Variants in IBTK observed in about 807,000 individuals in gnomAD.
IBTK encodes the protein BTK-binding protein.
IBTK carries 83 observed loss-of-function variants against 154.9 expected under a neutral mutation model. The observed-to-expected ratio is 0.54, with a 90% CI of 0.45 to 0.64. IBTK has a LOEUF of 0.64. Ranked by LOEUF, IBTK falls within the 30% of genes least tolerant of loss-of-function variation. The pLI, the probability that IBTK is intolerant of heterozygous loss-of-function variation, is 0.00. For missense variants in IBTK, 1,332 were observed against 1,584.6 expected, an observed-to-expected ratio of 0.84 and a Z score of 2.71; for synonymous variants, 515 against 536.1, an observed-to-expected ratio of 0.96 and a Z score of 0.54.
At chr6:82,227,051 G>A (rs1441274388) in intron 5 of IBTK, 141 bp downstream of exon 5, 3 of 529,118 alleles carry the variant, frequency 5.7e-6, no homozygotes, top group Non-Finnish European at 1.0e-5. Flanking sequence ...GATATATCAG[G>A]AAACAGATTT....
chr6:82,227,499 T>C (rs1364559255), intron 4 of IBTK, among the ~76,000 whole-genome samples, 197 bp from the exon 5 acceptor site: 3 of 152,072 alleles, frequency 2.0e-5, no homozygotes, highest in Non-Finnish European at 4.4e-5. Context: ...AAATTATGTC[T>C]AAAAACATTG....
intron 9 of IBTK, among the ~76,000 whole-genome samples, chr6:82,219,305 AATC>A (rs2127818163): frequency 6.6e-6 from 1 of 152,258 alleles, no homozygotes; most frequent in South Asian, 2.1e-4. Context: ...CTACTATTAA[AATC>A]ATCTTCATTC....
chr6:82,222,169 C>CAAA (rs57962676), intron 8 of IBTK, among the ~76,000 whole-genome samples: 4 of 98,474 alleles, frequency 4.1e-5, no homozygotes, highest in Non-Finnish European at 4.4e-5. Flanking sequence ...GACAATGTCT[C>CAAA]AAAAAAAAAA....
chr6:82,231,616 G>T, intron 4 of IBTK, 102 bp downstream of exon 4: 1 of 777,886 alleles, frequency 1.3e-6, no homozygotes, highest in Non-Finnish European at 2.0e-6. Flanking sequence ...AAATGTTACT[G>T]TACCTGAAAC....
Position 82,214,501 on chromosome 6 carries a change from T to A in IBTK, c.1930A>T (p.Thr644Ser). The A allele has an allele frequency of 6.2e-7, 1 of 1,614,058 alleles. No homozygotes were observed. The highest frequency in any genetic ancestry group is 8.5e-7 in the Non-Finnish European group (1 of 1,179,994). Residue 644 changes from threonine (T) to serine (S), a missense_variant, in exon 12 of 29, where the codon ACT (threonine) becomes TCT (serine). Physicochemically the swap from Thr to Ser is moderately conservative, Grantham distance 58. Coordinates refer to ENST00000306270, the MANE Select transcript of IBTK (RefSeq NM_015525.4). ...FIYTDTCDFL[T>S]HGFKPRIHLN... ...TGTATTCTTGGTTTGAAGCCATGAG[T>A]TAAAAAGTCACAAGTATCTGTGTAT...
intron 10 of IBTK, among the ~76,000 whole-genome samples, chr6:82,216,863 G>A (rs1265094605): frequency 2.0e-5 from 3 of 152,066 alleles, no homozygotes; most frequent in African/African-American, 7.2e-5. Context: ...TAAAATCAAG[G>A]CTATGAAGGT....
intron 21 of IBTK, among the ~76,000 whole-genome samples, chr6:82,197,359 C>T (rs1769031943): frequency 1.5e-5 from 2 of 136,372 alleles, no homozygotes; most frequent in South Asian, 2.5e-4. Flanking sequence ...TTTTTTGCCA[C>T]ACAATCTTTT....
intron 2 of IBTK, among the ~76,000 whole-genome samples, chr6:82,239,259 G>A (rs1056015603): frequency 2.0e-5 from 3 of 151,578 alleles, no homozygotes; most frequent in Admixed American, 1.3e-4. Context: ...GGCTAACACG[G>A]TGAAACCCCA....
chr6:82,213,646 G>A (rs1769740215), intron 12 of IBTK, among the ~76,000 whole-genome samples: 1 of 152,160 alleles, frequency 6.6e-6, no homozygotes, highest in African/African-American at 2.4e-5. Context: ...TAAGAGATAT[G>A]TATGTCTAAC....
chr6:82,196,360 C>A lies in IBTK; in HGVS notation c.3112G>T (p.Gly1038Cys), dbSNP rs1768985665. The change falls in exon 22 of 29, where the codon GGT (glycine) becomes TGT (cysteine). Residue 1038 changes from glycine to cysteine, a missense_variant. Physicochemically the swap from Gly to Cys is radical, Grantham distance 159 (BLOSUM62 -3). Around this residue, in one of 3 missense-constraint regions of IBTK, gnomAD observed 1,134 missense variants for 1,274.7 expected, o/e 0.89. Transcript: ENST00000306270. ...GGGGACTGTAAATCTCTAGGACTAC[C>A]CACTCCTGCATAGCTTCCTTCAGAG... ...SDSEGSYAGV[G>C]SPRDLQSPDF... The A allele has an allele frequency of 6.2e-7, 1 of 1,612,730 alleles. No individual in the cohort carries two copies. Among genetic ancestry groups the A allele is most frequent in the South Asian group, 1.1e-5 (1 of 90,900 alleles).
intron 10 of IBTK, 112 bp from the exon 11 acceptor site, chr6:82,216,362 C>T (rs892738367): frequency 4.4e-6 from 3 of 689,350 alleles, no homozygotes; most frequent in Non-Finnish European, 7.1e-6. Flanking sequence ...ATCTTTTTCA[C>T]ATATATTCAG....
chr6:82,225,313 AAAT>A (rs1020002629), intron 6 of IBTK, among the ~76,000 whole-genome samples, 161 bp downstream of exon 6: 8 of 151,886 alleles, frequency 5.3e-5, no homozygotes, highest in African/African-American at 1.7e-4. Context: ...CTGTCTCAAA[AAAT>A]AATAATAATA....
At chr6:82,219,746 G>A (rs1345021964) in intron 9 of IBTK, among the ~76,000 whole-genome samples, 1 of 151,652 alleles carries the variant, frequency 6.6e-6, no homozygotes, top group East Asian at 1.9e-4. Flanking sequence ...TTTTATTTAA[G>A]AGATAAGAAA....
intron 23 of IBTK, among the ~76,000 whole-genome samples, chr6:82,192,149 G>A (rs951605510): frequency 3.9e-5 from 6 of 151,910 alleles, no homozygotes; most frequent in African/African-American, 1.5e-4. Flanking sequence ...TCATAATGTT[G>A]TGATATAACT....
intron 25 of IBTK, among the ~76,000 whole-genome samples, chr6:82,183,433 A>G (rs994620880): frequency 1.3e-5 from 2 of 150,112 alleles, no homozygotes; most frequent in Non-Finnish European, 1.5e-5. Flanking sequence ...CAAAACAGAG[A>G]AAAAAAAAAG....
intron 26 of IBTK, chr6:82,174,806 T>G (rs141246379): frequency 5.5e-6 from 2 of 362,520 alleles, no homozygotes; most frequent in Non-Finnish European, 1.1e-5. Flanking sequence ...ATAATTTGTC[T>G]GATTAACAAG....
intron 3 of IBTK, among the ~76,000 whole-genome samples, chr6:82,233,779 T>C (rs1770610836): frequency 6.9e-6 from 1 of 143,928 alleles, no homozygotes; most frequent in Non-Finnish European, 1.5e-5. Context: ...AGTGGCAAGA[T>C]CTCAACTCAC....
At chr6:82,191,349 T>G (rs45508198) in intron 24 of IBTK, 133 bp from the exon 25 acceptor site, 14,375 of 701,778 alleles carry the variant, frequency 0.02, 184 homozygotes, top group Middle Eastern at 0.027. Context: ...TAATAATGTT[T>G]TCTATTTATT....
chr6:82,191,733 T>A, intron 24 of IBTK, 54 bp downstream of exon 24: 1 of 1,086,178 alleles, frequency 9.2e-7, no homozygotes, highest in Non-Finnish European at 1.4e-6. Context: ...GTCTGTCCAA[T>A]TCTTAGGGCA....
Sources: allele counts gnomAD v4.1 joint callset (sites outside exome capture counted in the v4.1 genomes callset), GRCh38; gene constraint gnomAD v4.1.1; regional missense constraint gnomAD v4.1.1; transcripts MANE v1.5; gene names NCBI Gene and HGNC (gene_info 2026-07-23, HGNC 2026-07-21).